Variants in STX19 observed in about 807,000 individuals in gnomAD.
STX19 encodes syntaxin-19.
A neutral mutation model predicts 24.3 loss-of-function variants in STX19; 26 were observed. That is an observed-to-expected ratio of 1.07 (90% CI 0.78 to 1.48). STX19 has a LOEUF of 1.48. Among genes scored for constraint, STX19 ranks in the 40% most tolerant of loss-of-function variants. STX19 has a pLI of 0.00. For missense variants in STX19, 367 were observed against 331.9 expected (o/e 1.11, Z -0.82); for synonymous variants, 116 against 106.9 (o/e 1.09, Z -0.52).
chr3:94,014,440 C>CT lies in STX19; in HGVS notation c.829dup (p.Arg277LysfsTer16), dbSNP rs745879072. ...ACAACACAGTACTCTGCAAGGATTT[C>CT]TTTTTTTGTATTTTACAGCTAGTCC... On this transcript the variant is annotated frameshift_variant, in exon 2 of 2. Coordinates refer to ENST00000315099, the MANE Select transcript of STX19 (RefSeq NM_001001850.3). LOFTEE classifies it high-confidence loss of function. 6.3e-6 allele frequency: 10 copies of CT among 1,593,870 alleles called. No homozygotes were observed. Among genetic ancestry groups the CT allele is most frequent in the Middle Eastern group, 1.7e-4 (1 of 5,944 alleles).
chr3:94,026,120 C>T (rs1341596319), intron 1 of STX19, among the ~76,000 whole-genome samples: 1 of 151,618 alleles, frequency 6.6e-6, no homozygotes, highest in Admixed American at 6.6e-5. Context: ...TCCGGGTTCA[C>T]GCCATTCTCC....
intron 1 of STX19, among the ~76,000 whole-genome samples, chr3:94,019,321 C>T (rs531438086): frequency 6.4e-4 from 97 of 152,138 alleles, no homozygotes; most frequent in African/African-American, 1.9e-3. Flanking sequence ...CTCAGCCTCC[C>T]GAGTAGCTGG....
chr3:94,026,063 A>G (rs2076550598), intron 1 of STX19, among the ~76,000 whole-genome samples: 1 of 141,872 alleles, frequency 7.0e-6, no homozygotes, highest in South Asian at 2.2e-4. Context: ...TCTGTCGCCC[A>G]GGCTGGAGTG....
chr3:94,023,512 A>G (rs183443179), intron 1 of STX19, among the ~76,000 whole-genome samples: 1 of 152,046 alleles, frequency 6.6e-6, no homozygotes. Flanking sequence ...TAATTTCTTT[A>G]AGAACTTTAT....
Position 94,014,922 on chromosome 3 carries a change from A to C in STX19, c.348T>G (p.Val116=). The change falls in exon 2 of 2, where the codon GTT becomes GTG. Residue 116 remains valine, a synonymous_variant. Coordinates refer to ENST00000315099, the MANE Select transcript of STX19 (RefSeq NM_001001850.3). The part of the protein sequence containing the change: ...NRSLNDLVKE[V]KKSEVENGPS... ...GACCATTTTCAACCTCTGACTTTTT[A>C]ACTTCTTTAACTAAATCATTCAAAC... is the stretch of plus-strand genomic sequence containing the variant. The C allele has an allele frequency of 6.2e-7, 1 of 1,613,328 alleles. No homozygotes were observed.
intron 1 of STX19, among the ~76,000 whole-genome samples, chr3:94,015,819 A>G (rs2076322261): frequency 6.6e-6 from 1 of 152,174 alleles, no homozygotes; most frequent in African/African-American, 2.4e-5. Flanking sequence ...AATTTTCCGA[A>G]GCCTCTGAAT....
At chr3:94,018,420 C>T (rs1559988526) in intron 1 of STX19, among the ~76,000 whole-genome samples, 1 of 152,088 alleles carries the variant, frequency 6.6e-6, no homozygotes, top group African/African-American at 2.4e-5. Context: ...AAGTATTTCT[C>T]CTGTTTTTTT....
At chr3:94,024,896 A>T (rs1388662527) in intron 1 of STX19, among the ~76,000 whole-genome samples, 3 of 152,080 alleles carry the variant, frequency 2.0e-5, no homozygotes, top group African/African-American at 4.8e-5. Flanking sequence ...CCTCTTTTTT[A>T]AAAAAATTAG....
chr3:94,024,293 G>T (rs1480656755), intron 1 of STX19, among the ~76,000 whole-genome samples: 1 of 152,112 alleles, frequency 6.6e-6, no homozygotes, highest in African/African-American at 2.4e-5. Flanking sequence ...TTTAAACTGG[G>T]TTGCACCCGT....
intron 1 of STX19, among the ~76,000 whole-genome samples, chr3:94,022,883 G>T (rs2076478685): frequency 6.6e-6 from 1 of 151,826 alleles, no homozygotes; most frequent in Non-Finnish European, 1.5e-5. Flanking sequence ...GCTTAATTTT[G>T]TACATACATC....
chr3:94,028,118 A>C (rs1475226996), intron 1 of STX19, among the ~76,000 whole-genome samples: 1 of 152,156 alleles, frequency 6.6e-6, no homozygotes, highest in Non-Finnish European at 1.5e-5. Context: ...TAAAAGACTT[A>C]AAAATTTTTT....
At chr3:94,021,509 A>G (rs1367888023) in intron 1 of STX19, among the ~76,000 whole-genome samples, 1 of 152,138 alleles carries the variant, frequency 6.6e-6, no homozygotes, top group Non-Finnish European at 1.5e-5. Flanking sequence ...ATTGTATAAA[A>G]TATTTGATGC....
Position 94,014,781 on chromosome 3 carries a change from C to T in STX19, c.489G>A (p.Lys163=). The T allele has an allele frequency of 6.2e-7, 1 of 1,613,916 alleles. No homozygotes were observed. ...CTTCAAGCTGACGTAAAATAAATGT[C>T]TTGCACTTCTCTTGCTTTGCTGCTA... ...DTIAAKQEKC[K]TFILRQLEVA... The change falls in exon 2 of 2, where the codon AAG becomes AAA. Residue 163 remains lysine (K), a synonymous_variant. Transcript: ENST00000315099.
intron 1 of STX19, among the ~76,000 whole-genome samples, chr3:94,017,813 G>A (rs1471099461): frequency 6.6e-6 from 1 of 152,138 alleles, no homozygotes; most frequent in Admixed American, 6.6e-5. Context: ...GGGTTGCCAA[G>A]GCAGTGAATG....
At chr3:94,022,204 ACCT>A (rs2076463323) in intron 1 of STX19, among the ~76,000 whole-genome samples, 1 of 151,662 alleles carries the variant, frequency 6.6e-6, no homozygotes, top group South Asian at 2.1e-4. Flanking sequence ...GTTCACTGCA[ACCT>A]CCTCCTCCCT....
At chr3:94,026,202 G>A (rs192417212) in intron 1 of STX19, among the ~76,000 whole-genome samples, 1 of 152,140 alleles carries the variant, frequency 6.6e-6, no homozygotes. Context: ...TATATTTTTA[G>A]TAGAGATGGG....
chr3:94,022,858 CAA>C (rs2076477557), intron 1 of STX19, among the ~76,000 whole-genome samples: 1 of 151,854 alleles, frequency 6.6e-6, no homozygotes, highest in Non-Finnish European at 1.5e-5. Flanking sequence ...TATTAATTAC[CAA>C]AGTTTTTCAC....
chr3:94,021,912 C>T (rs918594311), intron 1 of STX19, among the ~76,000 whole-genome samples: 1 of 151,920 alleles, frequency 6.6e-6, no homozygotes, highest in African/African-American at 2.4e-5. Flanking sequence ...ATTAATAATG[C>T]ATGTACACAG....
chr3:94,020,541 G>A (rs1382934870), intron 1 of STX19, among the ~76,000 whole-genome samples: 1 of 152,118 alleles, frequency 6.6e-6, no homozygotes, highest in Non-Finnish European at 1.5e-5. Flanking sequence ...TTTAGGGTGA[G>A]TTCTGAAAAG....
Sources: allele counts gnomAD v4.1 joint callset (sites outside exome capture counted in the v4.1 genomes callset), GRCh38; gene constraint gnomAD v4.1.1; transcripts MANE v1.5; gene names NCBI Gene and HGNC (gene_info 2026-07-23, HGNC 2026-07-21).